PKIB: variants seen among roughly 807,000 people sequenced by gnomAD.
PKIB encodes the protein PKI-beta.
In PKIB, 2 loss-of-function variants were observed where a neutral mutation model predicts 4.5. That is an observed-to-expected ratio of 0.44 (90% confidence interval 0.18 to 1.39). PKIB has a LOEUF of 1.39. Among genes scored for constraint, PKIB ranks in the 40% most tolerant of loss-of-function variants. The pLI is 0.27. For synonymous variants in PKIB, 38 were observed against 36.0 expected, an observed-to-expected ratio of 1.06 and a Z score of -0.20; for missense variants, 94 against 92.6, an observed-to-expected ratio of 1.02 and a Z score of -0.06.
chr6:122,724,439 G>A (rs913730477), intron 4 of PKIB, among the ~76,000 whole-genome samples: 3 of 152,084 alleles, frequency 2.0e-5, no homozygotes, highest in Admixed American at 6.6e-5. Context: ...TTGGTTTAAT[G>A]TTCTATTCTT....
chr6:122,724,529 C>T (rs1779875823), intron 4 of PKIB, among the ~76,000 whole-genome samples: 1 of 152,142 alleles, frequency 6.6e-6, no homozygotes, highest in African/African-American at 2.4e-5. Flanking sequence ...AATTACATAG[C>T]CAGTGCTCAC....
intron 2 of PKIB, among the ~76,000 whole-genome samples, chr6:122,659,442 G>A (rs1355289897): frequency 6.6e-6 from 1 of 152,082 alleles, no homozygotes; most frequent in African/African-American, 2.4e-5. Flanking sequence ...AACTGAATAT[G>A]AAATCATTTT....
chr6:122,499,708 A>G (rs568346629), intron 2 of PKIB, among the ~76,000 whole-genome samples: 1 of 152,334 alleles, frequency 6.6e-6, no homozygotes, highest in East Asian at 1.9e-4. Context: ...AGTCCTAGCC[A>G]GAGATATGAG....
intron 2 of PKIB, among the ~76,000 whole-genome samples, chr6:122,641,755 A>C (rs568139161): frequency 6.6e-6 from 1 of 152,276 alleles, no homozygotes; most frequent in Admixed American, 6.5e-5. Flanking sequence ...GGGCAACCAC[A>C]TGATCTCCGC....
Position 122,521,546 on chromosome 6 carries a change from G to T in PKIB, c.-248+43607G>T, listed in dbSNP as rs552329901. Among the ~76,000 whole-genome samples the T allele has an allele frequency of 1.1e-3, 174 of 152,074 alleles. 1 individual carries two copies. Among genetic ancestry groups the T allele is most frequent in the Admixed American group, 2.3e-3 (35 of 15,272 alleles). ...ATACAAAAAATTAGCTGGGCGTGGT[G>T]GTGGGCGCCTGTAGTCCCAGCTACT... On this transcript the variant is annotated intron_variant, in intron 2 of 6. Coordinates refer to the PKIB transcript ENST00000392491.
chr6:122,709,170 A>G (rs1158349556), intron 3 of PKIB, among the ~76,000 whole-genome samples: 1 of 152,144 alleles, frequency 6.6e-6, no homozygotes, highest in East Asian at 1.9e-4. Context: ...CTACTTTTTA[A>G]AAATGTAGAA....
intron 2 of PKIB, among the ~76,000 whole-genome samples, chr6:122,666,817 TG>T (rs1310615249): frequency 1.3e-5 from 2 of 152,220 alleles, no homozygotes; most frequent in Non-Finnish European, 2.9e-5. Flanking sequence ...GTTGCTCCTG[TG>T]AATCGACTTA....
intron 2 of PKIB, among the ~76,000 whole-genome samples, chr6:122,637,452 T>C (rs887671761): frequency 1.3e-5 from 2 of 152,022 alleles, no homozygotes; most frequent in Non-Finnish European, 2.9e-5. Context: ...ACATAATATA[T>C]CTTAGTTAAA....
intron 3 of PKIB, among the ~76,000 whole-genome samples, chr6:122,597,670 C>T (rs1006123690): frequency 6.6e-6 from 1 of 152,166 alleles, no homozygotes; most frequent in East Asian, 1.9e-4. Context: ...TGCAATATTG[C>T]TTTTGATTTA....
At chr6:122,705,524 G>T (rs1410694034) in intron 3 of PKIB, among the ~76,000 whole-genome samples, 2 of 149,164 alleles carry the variant, frequency 1.3e-5, no homozygotes, top group Admixed American at 6.7e-5. Flanking sequence ...ATGCTTTAAT[G>T]GTTCTCCTTG....
intron 2 of PKIB, among the ~76,000 whole-genome samples, chr6:122,508,939 C>T (rs964493768): frequency 2.0e-5 from 3 of 151,956 alleles, no homozygotes; most frequent in African/African-American, 2.4e-5. Context: ...TTAGTAGAGA[C>T]GGGGTTTCAC....
At chr6:122,633,403 A>ATATTGTTCTTGGATCT (rs1775778135) in intron 2 of PKIB, 36 bp downstream of exon 2, 1 of 152,230 alleles carries the variant, frequency 6.6e-6, no homozygotes, top group South Asian at 2.1e-4. Context: ...CTTGGAACAT[A>ATATTGTTCTTGGATCT]TGGAATAATA....
chr6:122,551,228 T>C (rs1772665707), intron 2 of PKIB, among the ~76,000 whole-genome samples: 1 of 152,184 alleles, frequency 6.6e-6, no homozygotes, highest in Non-Finnish European at 1.5e-5. Flanking sequence ...TACTCTTTAA[T>C]TTCTCTTTCT....
rs146681452 is a variant in PKIB at position 122,691,730 on chromosome 6, C to T, written c.-9+16586C>T. Among the ~76,000 whole-genome samples the T allele has an allele frequency of 6.9e-3, 1,045 of 152,128 alleles. 20 individuals carry two copies. Among genetic ancestry groups the T allele is most frequent in the African/African-American group, 0.024 (981 of 41,498 alleles). ...AGTTCATTTGGTGAGGCCATGTTTTCCTGAATGTTTTTGATGCTTGTGGAT... is the reference window on the plus strand; with the variant it reads ...AGTTCATTTGGTGAGGCCATGTTTTTCTGAATGTTTTTGATGCTTGTGGAT... On this transcript the variant is annotated intron_variant, in intron 3 of 4. Coordinates refer to ENST00000368452, the MANE Select transcript of PKIB (RefSeq NM_181795.3).
At chr6:122,701,877 A>T (rs1018801259) in intron 3 of PKIB, among the ~76,000 whole-genome samples, 4 of 152,168 alleles carry the variant, frequency 2.6e-5, no homozygotes, top group Admixed American at 6.5e-5. Flanking sequence ...GGAGAAGAAC[A>T]TTGCAGGGCA....
At chr6:122,540,267 G>A (rs1562244266) in intron 2 of PKIB, among the ~76,000 whole-genome samples, 1 of 151,882 alleles carries the variant, frequency 6.6e-6, no homozygotes, top group Non-Finnish European at 1.5e-5. Context: ...TTTTAATTGT[G>A]ATGTTAGGGT....
At chr6:122,618,543 A>C (rs535177421) in intron 1 of PKIB, among the ~76,000 whole-genome samples, 1 of 152,102 alleles carries the variant, frequency 6.6e-6, no homozygotes, top group African/African-American at 2.4e-5. Flanking sequence ...AGGTCTATTT[A>C]TATTTGATTT....
chr6:122,557,114 G>A (rs1772867339), intron 2 of PKIB, among the ~76,000 whole-genome samples: 1 of 152,200 alleles, frequency 6.6e-6, no homozygotes, highest in Non-Finnish European at 1.5e-5. Context: ...TACTCAGAAG[G>A]CTGAGGCACG....
chr6:122,639,535 G>A (rs917298229), intron 2 of PKIB, among the ~76,000 whole-genome samples: 2 of 152,180 alleles, frequency 1.3e-5, no homozygotes, highest in African/African-American at 4.8e-5. Context: ...TCCAGAGTCT[G>A]TGAATCACTA....
Sources: gnomAD v4.1 joint callset for allele counts (sites outside exome capture counted in the v4.1 genomes callset) on GRCh38, gnomAD v4.1.1 for gene constraint, MANE v1.5 for transcripts, NCBI Gene and HGNC (gene_info 2026-07-23, HGNC 2026-07-21) for gene names.